The following LARP6 variants were observed in gnomAD, a reference collection of about 807,000 sequenced individuals.
LARP6 encodes La ribonucleoprotein 6, translational regulator.
In LARP6, 18 loss-of-function variants were observed where a neutral mutation model predicts 32.8. The observed-to-expected ratio is 0.55, with a 90% CI of 0.38 to 0.81. The LOEUF (loss-of-function observed/expected upper bound fraction) is 0.81, where lower values mean the gene tolerates loss of function less well. LARP6 is among the 40% of genes least tolerant of loss of function. LARP6 has a pLI of 0.00. For missense variants in LARP6, 598 were observed against 663.1 expected, an observed-to-expected ratio of 0.90 and a Z score of 1.08; for synonymous variants, 289 against 267.2, an observed-to-expected ratio of 1.08 and a Z score of -0.80.
chr15:70,850,654 G>A lies in LARP6; in HGVS notation c.200+3235C>T, dbSNP rs535570702. Among the ~76,000 whole-genome samples, 5 of 152,158 alleles carry A rather than the reference G, an allele frequency of 3.3e-5. 1 individual carries two copies. The South Asian group carries it at 8.3e-4, about 25-fold the overall frequency. On this transcript the variant is annotated intron_variant, in intron 1 of 2. Transcript: ENST00000299213. ...GTACGATGGAGAAATCTCCTTAATC[G>A]AATGGTCAAATTTAGCATCACTAAG... is the stretch of plus-strand genomic sequence containing the variant.
chr15:70,834,558 A>G (rs1337639570), intron 2 of LARP6, among the ~76,000 whole-genome samples: 1 of 152,220 alleles, frequency 6.6e-6, no homozygotes, highest in African/African-American at 2.4e-5. Flanking sequence ...AGCTTGAGCT[A>G]GGAGCACCTG....
chr15:70,837,812 T>G (rs952661373), intron 1 of LARP6, among the ~76,000 whole-genome samples: 1 of 152,050 alleles, frequency 6.6e-6, no homozygotes, highest in Non-Finnish European at 1.5e-5. Context: ...GGCTTTAGAG[T>G]TAAGATTGCC....
At chr15:70,839,394 C>A (rs769635671) in intron 1 of LARP6, among the ~76,000 whole-genome samples, 1 of 149,412 alleles carries the variant, frequency 6.7e-6, no homozygotes, top group Non-Finnish European at 1.5e-5. Context: ...GAGCGGAGAT[C>A]GCACCACTGC....
chr15:70,837,669 G>A (rs1273755098), intron 1 of LARP6, among the ~76,000 whole-genome samples: 1 of 152,144 alleles, frequency 6.6e-6, no homozygotes, highest in Non-Finnish European at 1.5e-5. Flanking sequence ...TGCCTCTCAG[G>A]AGTCACTGCA....
chr15:70,834,045 G>C (rs1410268220), intron 2 of LARP6, among the ~76,000 whole-genome samples: 2 of 152,194 alleles, frequency 1.3e-5, no homozygotes, highest in African/African-American at 4.8e-5. Context: ...GAAGGTGGGT[G>C]GGGTGGGTAA....
Position 70,832,134 on chromosome 15 carries a change from G to A in LARP6, c.1394C>T (p.Pro465Leu). Reference sequence around the variant, plus strand: ...CCTGGGCAACCTCAGCACCCCTACGGGTAGCCCATCTGCAGTCTGCATCTT... The same window carrying A: ...CCTGGGCAACCTCAGCACCCCTACGAGTAGCCCATCTGCAGTCTGCATCTT... ...SRKMQTADGL[P>L]VGVLRLPRGP... Residue 465 changes from proline to leucine, a missense_variant, in exon 3 of 3, where the codon CCC becomes CTC. Transcript: ENST00000299213. 1 of 1,609,234 alleles carries A rather than the reference G, an allele frequency of 6.2e-7. No individual in the cohort carries two copies. Among genetic ancestry groups the A allele is most frequent in the Non-Finnish European group, 8.5e-7 (1 of 1,177,490 alleles).
chr15:70,843,804 C>T lies in LARP6; in HGVS notation c.201-7299G>A, dbSNP rs1365708504. Among the ~76,000 whole-genome samples, 10 of 150,868 alleles carry T rather than the reference C, an allele frequency of 6.6e-5. No individual in the cohort carries two copies. In the East Asian group the frequency reaches 7.8e-4, roughly 12 times the overall value. ...CTGAGTAGCTGGGATTACAGGCGCACGCTGCCACGCCCGGCTAATTTTTTG... is the reference window on the plus strand; with the variant it reads ...CTGAGTAGCTGGGATTACAGGCGCATGCTGCCACGCCCGGCTAATTTTTTG... On this transcript the variant is annotated intron_variant, in intron 1 of 2. Coordinates refer to ENST00000299213, the MANE Select transcript of LARP6 (RefSeq NM_018357.4).
intron 1 of LARP6, chr15:70,852,030 G>C (rs1298841624): frequency 5.0e-6 from 2 of 398,600 alleles, no homozygotes; most frequent in African/African-American, 2.1e-5. Flanking sequence ...GAGATGATGT[G>C]AGTGGGTGTC....
intron 1 of LARP6, among the ~76,000 whole-genome samples, chr15:70,846,621 A>AATACATACATAC (rs71152317): frequency 0.42 from 61,782 of 148,664 alleles, 13,721 homozygotes; most frequent in Admixed American, 0.56. Flanking sequence ...AAAATAAATA[A>AATACATACATAC]ATACATACAT....
chr15:70,847,757 A>C (rs1351366493), intron 1 of LARP6, among the ~76,000 whole-genome samples: 1 of 152,196 alleles, frequency 6.6e-6, no homozygotes, highest in Non-Finnish European at 1.5e-5. Flanking sequence ...TTGCGCAGTT[A>C]ATCGAATGAT....
chr15:70,834,419 G>A (rs1000390085), intron 2 of LARP6, among the ~76,000 whole-genome samples: 1 of 152,240 alleles, frequency 6.6e-6, no homozygotes, highest in Non-Finnish European at 1.5e-5. Context: ...TGATGACTGC[G>A]GGTGCGTGTG....
At chr15:70,849,046 A>G (rs1251116321) in intron 1 of LARP6, 1 of 152,176 alleles carries the variant, frequency 6.6e-6, no homozygotes, top group African/African-American at 2.4e-5. Context: ...GGAATTATTG[A>G]TATAAGTGTT....
intron 1 of LARP6, chr15:70,851,752 T>A: frequency 6.2e-7 from 1 of 1,613,662 alleles, no homozygotes; most frequent in African/African-American, 1.3e-5. Flanking sequence ...AGAATCACAA[T>A]TGTGGAAGGT....
intron 1 of LARP6, 85 bp downstream of exon 1, chr15:70,853,804 T>C: frequency 4.9e-6 from 5 of 1,011,220 alleles, no homozygotes; most frequent in Non-Finnish European, 6.3e-6. Context: ...GCCCGAGGAG[T>C]TGTCGCGCGC....
chr15:70,853,632 C>T (rs1373883160), intron 1 of LARP6: 2 of 303,660 alleles, frequency 6.6e-6, no homozygotes, highest in Non-Finnish European at 1.2e-5. Flanking sequence ...CCCTGAACAT[C>T]CCCACGTCCA....
intron 1 of LARP6, among the ~76,000 whole-genome samples, chr15:70,846,677 T>C (rs1396667018): frequency 1.3e-5 from 2 of 149,116 alleles, no homozygotes; most frequent in African/African-American, 2.4e-5. Flanking sequence ...AACAAAGTCT[T>C]CAGCTCCTTA....
intron 1 of LARP6, among the ~76,000 whole-genome samples, chr15:70,847,642 T>A (rs895702776): frequency 1.3e-5 from 2 of 152,206 alleles, no homozygotes; most frequent in African/African-American, 4.8e-5. Flanking sequence ...GTGCTGGGAT[T>A]ACAGGTGTGT....
chr15:70,844,226 G>A (rs2032309418), intron 1 of LARP6, among the ~76,000 whole-genome samples: 1 of 152,096 alleles, frequency 6.6e-6, no homozygotes, highest in African/African-American at 2.4e-5. Context: ...CAATGTGCTG[G>A]GATTACAGGT....
At chr15:70,846,380 C>T (rs941881159) in intron 1 of LARP6, among the ~76,000 whole-genome samples, 18 of 152,102 alleles carry the variant, frequency 1.2e-4, no homozygotes, top group African/African-American at 2.4e-4. Flanking sequence ...AGGCCAAGGC[C>T]GGAGGGTCAT....
Sources: gnomAD v4.1 joint callset for allele counts (sites outside exome capture counted in the v4.1 genomes callset) on GRCh38, gnomAD v4.1.1 for gene constraint, MANE v1.5 for transcripts, NCBI Gene and HGNC (gene_info 2026-07-23, HGNC 2026-07-21) for gene names.